The following REEP3 variants were observed in gnomAD, a reference collection of about 807,000 sequenced individuals.
REEP3 encodes receptor expression-enhancing protein 3.
A neutral mutation model predicts 41.3 loss-of-function variants in REEP3; 20 were observed. The observed-to-expected ratio is 0.48, with a 90% CI of 0.34 to 0.70. The LOEUF (loss-of-function observed/expected upper bound fraction) is 0.70, where lower values mean the gene tolerates loss of function less well. REEP3 is among the 30% of genes least tolerant of loss of function. The probability of loss-of-function intolerance (pLI) is 0.01; values close to 1 mark genes in which losing one functional copy is unlikely to be tolerated. For missense variants in REEP3, 271 were observed against 308.8 expected, an observed-to-expected ratio of 0.88 and a Z score of 0.92; for synonymous variants, 104 against 101.8, an observed-to-expected ratio of 1.02 and a Z score of -0.13.
At chr10:63,608,012 T>C (rs555073917) in intron 5 of REEP3, among the ~76,000 whole-genome samples, 1 of 152,332 alleles carries the variant, frequency 6.6e-6, no homozygotes, top group Non-Finnish European at 1.5e-5. Flanking sequence ...ATCATGGACA[T>C]GCATGTCATT....
chr10:63,524,937 T>A (rs1250330615), intron 1 of REEP3, among the ~76,000 whole-genome samples: 1 of 151,488 alleles, frequency 6.6e-6, no homozygotes, highest in Non-Finnish European at 1.5e-5. Context: ...ACTTGAACCC[T>A]GGAGGCAAAG....
At chr10:63,578,009 A>G (rs547521683) in intron 2 of REEP3, among the ~76,000 whole-genome samples, 1 of 152,302 alleles carries the variant, frequency 6.6e-6, no homozygotes, top group East Asian at 1.9e-4. Context: ...TATTCAGTTT[A>G]CCATCTTTAC....
intron 1 of REEP3, among the ~76,000 whole-genome samples, chr10:63,546,983 G>A (rs1439653077): frequency 1.3e-5 from 2 of 151,058 alleles, no homozygotes; most frequent in South Asian, 2.1e-4. Context: ...GTGCAGTGGT[G>A]CAATCTCAGC....
chr10:63,534,713 C>A (rs1307232362), intron 1 of REEP3, among the ~76,000 whole-genome samples: 3 of 152,092 alleles, frequency 2.0e-5, no homozygotes, highest in Admixed American at 6.5e-5. Context: ...AAATAGCTCA[C>A]CTAAAACTAG....
At chr10:63,581,275 A>G (rs912165576) in intron 2 of REEP3, among the ~76,000 whole-genome samples, 1 of 152,220 alleles carries the variant, frequency 6.6e-6, no homozygotes, top group African/African-American at 2.4e-5. Flanking sequence ...TATAAAAGCT[A>G]GAGCTATTCC....
At chr10:63,591,237 A>G (rs2133400390) in intron 2 of REEP3, among the ~76,000 whole-genome samples, 1 of 152,114 alleles carries the variant, frequency 6.6e-6, no homozygotes, top group Non-Finnish European at 1.5e-5. Context: ...ATCACTGAGT[A>G]ATCATTTGGT....
chr10:63,615,488 G>C (rs1220791633), intron 6 of REEP3, among the ~76,000 whole-genome samples: 1 of 151,470 alleles, frequency 6.6e-6, no homozygotes, highest in East Asian at 1.9e-4. Context: ...TATTTGACTT[G>C]ATTCTAGTGT....
At chr10:63,600,656 A>G (rs1956164085) in intron 5 of REEP3, among the ~76,000 whole-genome samples, 3 of 152,318 alleles carry the variant, frequency 2.0e-5, no homozygotes, top group Admixed American at 1.3e-4. Context: ...TGGGAATTCT[A>G]AAAAGAGGGA....
chr10:63,604,785 G>A (rs373615306), intron 5 of REEP3, among the ~76,000 whole-genome samples: 8 of 152,120 alleles, frequency 5.3e-5, no homozygotes, highest in East Asian at 3.8e-4. Context: ...ATTTTTTTTA[G>A]TGCTGATTCC....
intron 1 of REEP3, among the ~76,000 whole-genome samples, chr10:63,534,530 G>A (rs755517328): frequency 6.6e-6 from 1 of 152,198 alleles, no homozygotes; most frequent in African/African-American, 2.4e-5. Flanking sequence ...AATTACAGGC[G>A]TGAGCCACTA....
intron 5 of REEP3, among the ~76,000 whole-genome samples, chr10:63,602,319 G>T (rs1455170046): frequency 6.6e-6 from 1 of 152,184 alleles, no homozygotes; most frequent in Non-Finnish European, 1.5e-5. Flanking sequence ...AAAGTAGAGG[G>T]TTTAAAGGAG....
At chr10:63,525,576 G>T (rs1233374513) in intron 1 of REEP3, among the ~76,000 whole-genome samples, 1 of 152,034 alleles carries the variant, frequency 6.6e-6, no homozygotes, top group Non-Finnish European at 1.5e-5. Context: ...GTGCTACCAT[G>T]CCCAGCTAAT....
Position 63,543,872 on chromosome 10 carries a change from GTTTAACTCA to G in REEP3, c.32+22301_32+22309del, listed in dbSNP as rs1325234938. On this transcript the variant is annotated intron_variant, in intron 1 of 7. Transcript: ENST00000373758. ...ACCGTGTGCCTGGCATTATTATATG[GTTTAACTCA>G]TTTAATGTTCACAGCAAGATGTGTA... Among the ~76,000 whole-genome samples the G allele has an allele frequency of 7.2e-5, 11 of 152,024 alleles. No homozygotes were observed. In the South Asian group the frequency reaches 2.3e-3, roughly 32 times the overall value.
At chr10:63,535,392 A>G (rs1955465255) in intron 1 of REEP3, among the ~76,000 whole-genome samples, 1 of 152,228 alleles carries the variant, frequency 6.6e-6, no homozygotes, top group Admixed American at 6.5e-5. Flanking sequence ...TTAATGGGTC[A>G]ATATTAATTA....
chr10:63,532,013 T>C (rs1955425399), intron 1 of REEP3, among the ~76,000 whole-genome samples: 1 of 152,256 alleles, frequency 6.6e-6, no homozygotes, highest in Non-Finnish European at 1.5e-5. Flanking sequence ...TGCAAATATT[T>C]TTATACTCAC....
intron 7 of REEP3, among the ~76,000 whole-genome samples, chr10:63,620,585 G>GATTAATGTTTTTATGTAAC (rs199878639): frequency 0.067 from 10,181 of 151,846 alleles, 476 homozygotes; most frequent in East Asian, 0.22. Flanking sequence ...TAAATAATAG[G>GATTAATGTTTTTATGTAAC]ATTAATGTTT....
intron 5 of REEP3, among the ~76,000 whole-genome samples, chr10:63,602,453 A>G (rs1014496237): frequency 2.0e-5 from 3 of 152,226 alleles, no homozygotes; most frequent in African/African-American, 7.2e-5. Context: ...TGAAGATGCT[A>G]TCTGAATTTT....
Position 63,623,687 on chromosome 10 carries a change from TA to T in REEP3, c.*2821del, listed in dbSNP as rs1318481722. On this transcript the variant is annotated 3_prime_UTR_variant, in exon 8 of 8. Transcript: ENST00000373758. ...AGGAGCCAGAAATAAGCCTTATTGCTAAATAATTAATTATGTAAGCCCACCT... is the reference window on the plus strand; with the variant it reads ...AGGAGCCAGAAATAAGCCTTATTGCTAATAATTAATTATGTAAGCCCACCT... The T allele has an allele frequency of 6.6e-6, 1 of 152,280 alleles. No individual in the cohort carries two copies. The highest frequency in any genetic ancestry group is 1.5e-5 in the Non-Finnish European group (1 of 68,164). The allele number at this position is 152,280 out of a possible 1,614,324, so 9.4% of individuals were successfully genotyped here.
intron 2 of REEP3, among the ~76,000 whole-genome samples, chr10:63,580,761 G>A (rs915677811): frequency 1.3e-5 from 2 of 152,132 alleles, no homozygotes; most frequent in African/African-American, 2.4e-5. Flanking sequence ...GCTCATGCCC[G>A]TAATCCCAGC....
Sources: allele counts gnomAD v4.1 joint callset (sites outside exome capture counted in the v4.1 genomes callset), GRCh38; gene constraint gnomAD v4.1.1; transcripts MANE v1.5; gene names NCBI Gene and HGNC (gene_info 2026-07-23, HGNC 2026-07-21).